The following ADAMTSL3 variants were observed in gnomAD, a reference collection of about 807,000 sequenced individuals.
The protein encoded by ADAMTSL3 is ADAMTS-like protein 3.
Under a neutral mutation model 201.7 loss-of-function variants are expected in ADAMTSL3, and 128 were observed. That is an observed-to-expected ratio of 0.63 (90% CI 0.55 to 0.73). The LOEUF (loss-of-function observed/expected upper bound fraction) is 0.73, where lower values mean the gene tolerates loss of function less well. ADAMTSL3 is among the 30% of genes least tolerant of loss of function. The probability of loss-of-function intolerance (pLI) is 0.00; values close to 1 mark genes in which losing one functional copy is unlikely to be tolerated. For synonymous variants in ADAMTSL3, 738 were observed against 748.4 expected (o/e 0.99, Z 0.23); for missense variants, 1,990 against 2,119.6 (o/e 0.94, Z 1.20).
At chr15:83,708,599 A>G (rs924353384) in intron 3 of ADAMTSL3, among the ~76,000 whole-genome samples, 1 of 152,246 alleles carries the variant, frequency 6.6e-6, no homozygotes, top group Admixed American at 6.5e-5. Flanking sequence ...TCTTGCTTCT[A>G]CCACTAATCA....
chr15:83,926,222 G>A (rs189839766), intron 17 of ADAMTSL3, among the ~76,000 whole-genome samples: 24 of 152,296 alleles, frequency 1.6e-4, no homozygotes, highest in Non-Finnish European at 2.9e-4. Context: ...AGAGGGAACA[G>A]TATGTGCAAA....
At chr15:83,749,382 G>A (rs1357078054) in intron 3 of ADAMTSL3, among the ~76,000 whole-genome samples, 1 of 152,126 alleles carries the variant, frequency 6.6e-6, no homozygotes, top group African/African-American at 2.4e-5. Context: ...TTGCAGCTAA[G>A]GCAACGAGAG....
At chr15:83,804,159 A>G (rs1404868289) in intron 4 of ADAMTSL3, among the ~76,000 whole-genome samples, 1 of 152,078 alleles carries the variant, frequency 6.6e-6, no homozygotes, top group African/African-American at 2.4e-5. Context: ...AAAAGGAAGC[A>G]TTACTTCAAG....
At chr15:83,945,032 G>A (rs1296021866) in intron 19 of ADAMTSL3, among the ~76,000 whole-genome samples, 1 of 152,146 alleles carries the variant, frequency 6.6e-6, no homozygotes, top group Non-Finnish European at 1.5e-5. Context: ...TGTCTTAACT[G>A]AAAACCTACA....
chr15:83,852,360 C>A (rs747100622), intron 7 of ADAMTSL3, among the ~76,000 whole-genome samples: 1 of 152,108 alleles, frequency 6.6e-6, no homozygotes, highest in Non-Finnish European at 1.5e-5. Context: ...GTGATCCACC[C>A]GCCTCAGCCT....
In ADAMTSL3 at chr15:83,823,919, CTT is replaced by C. The variant is rs1567169471; in HGVS notation, c.600+3873_600+3874del. ...TCTTCTTCTTCTTCTTCTTCTTCTTCTTCTTCTTCTTCTTCTTCTTCTTCTTC... is the reference window on the plus strand; with the variant it reads ...TCTTCTTCTTCTTCTTCTTCTTCTTCCTTCTTCTTCTTCTTCTTCTTCTTC... On this transcript the variant is annotated intron_variant, in intron 6 of 29. Coordinates refer to ENST00000286744, the MANE Select transcript of ADAMTSL3 (RefSeq NM_207517.3). Among the ~76,000 whole-genome samples, 58 of 104,548 alleles carry C rather than the reference CTT, an allele frequency of 5.5e-4. 1 individual carries two copies. The highest frequency in any genetic ancestry group is 2.2e-3 in the Admixed American group (22 of 9,788). 68.6% of individuals were successfully genotyped at this position (104,548 alleles called of 152,430 possible).
chr15:83,897,114 C>G (rs1033461727), intron 13 of ADAMTSL3, among the ~76,000 whole-genome samples: 1 of 151,992 alleles, frequency 6.6e-6, no homozygotes, highest in Middle Eastern at 3.4e-3. Context: ...GACACAGAGC[C>G]AAATCATAAC....
intron 4 of ADAMTSL3, among the ~76,000 whole-genome samples, chr15:83,798,822 AAAC>A (rs1567152077): frequency 2.0e-5 from 3 of 148,978 alleles, no homozygotes; most frequent in South Asian, 2.1e-4. Flanking sequence ...AAAAAAAAAA[AAAC>A]AAAAAAAAAG....
chr15:83,655,643 C>T (rs1415332737), intron 1 of ADAMTSL3, 86 bp from the exon 2 acceptor site: 5 of 914,242 alleles, frequency 5.5e-6, no homozygotes, highest in Admixed American at 2.3e-5. Context: ...GCTTCAGGGT[C>T]CCTCCATCTA....
At chr15:84,002,667 C>T (rs561069681) in intron 23 of ADAMTSL3, among the ~76,000 whole-genome samples, 1 of 152,100 alleles carries the variant, frequency 6.6e-6, no homozygotes, top group Non-Finnish European at 1.5e-5. Context: ...CCAGCCTTCC[C>T]CTTCTACCCT....
At chr15:83,798,884 G>A (rs901116250) in intron 4 of ADAMTSL3, among the ~76,000 whole-genome samples, 5 of 145,920 alleles carry the variant, frequency 3.4e-5, no homozygotes, top group Admixed American at 6.8e-5. Context: ...TAATTCAAAA[G>A]CATGGTAGCA....
At chr15:83,855,126 C>T (rs949058569) in intron 7 of ADAMTSL3, among the ~76,000 whole-genome samples, 1 of 152,184 alleles carries the variant, frequency 6.6e-6, no homozygotes, top group African/African-American at 2.4e-5. Flanking sequence ...CTGGCCTTTA[C>T]TTCCTGCTTC....
chr15:83,768,770 C>A (rs182196201), intron 3 of ADAMTSL3, among the ~76,000 whole-genome samples: 1 of 152,304 alleles, frequency 6.6e-6, no homozygotes, highest in East Asian at 1.9e-4. Flanking sequence ...GGAGTTATTT[C>A]TGAATGTCTG....
At chr15:83,856,084 C>G (rs1018824045) in intron 7 of ADAMTSL3, among the ~76,000 whole-genome samples, 1 of 124,466 alleles carries the variant, frequency 8.0e-6, no homozygotes. Flanking sequence ...TCTTTACTTA[C>G]CAGTTTTCAA....
rs1442753169 is a variant in ADAMTSL3, at chr15:83,890,242, A to G, written c.1206A>G (p.Pro402=). 3.7e-6 allele frequency: 6 copies of G among 1,613,590 alleles called. No individual in the cohort carries two copies. The highest frequency in any genetic ancestry group is 4.2e-6 in the Non-Finnish European group (5 of 1,179,740). The part of the protein sequence containing the change: ...KLKECSMDPC[P]SSDGFKEIMP... ...AGGAATGCAGCATGGATCCCTGCCCATCAAGGTTTGTGTCATTGTCCACAC... is the reference window on the plus strand; with the variant it reads ...AGGAATGCAGCATGGATCCCTGCCCGTCAAGGTTTGTGTCATTGTCCACAC... Residue 402 remains proline (P), a synonymous_variant, in exon 11 of 30, where the codon CCA becomes CCG. Coordinates refer to ENST00000286744, the MANE Select transcript of ADAMTSL3 (RefSeq NM_207517.3).
chr15:83,892,922 T>G, intron 13 of ADAMTSL3, 34 bp downstream of exon 13: 3 of 1,585,630 alleles, frequency 1.9e-6, no homozygotes, highest in Non-Finnish European at 2.6e-6. Context: ...TTTAATTAAT[T>G]CTCATATTTT....
intron 20 of ADAMTSL3, among the ~76,000 whole-genome samples, chr15:83,974,724 C>T (rs2067252758): frequency 6.6e-6 from 1 of 152,164 alleles, no homozygotes; most frequent in African/African-American, 2.4e-5. Context: ...AATCAGGCAT[C>T]TGTAGAAAAG....
At chr15:83,671,863 A>G (rs1031317961) in intron 2 of ADAMTSL3, among the ~76,000 whole-genome samples, 6 of 152,178 alleles carry the variant, frequency 3.9e-5, no homozygotes, top group African/African-American at 1.4e-4. Context: ...TCTCTCCTTA[A>G]GAGGAATAAT....
At chr15:83,764,427 G>A (rs2141716489) in intron 3 of ADAMTSL3, among the ~76,000 whole-genome samples, 1 of 152,274 alleles carries the variant, frequency 6.6e-6, no homozygotes, top group Non-Finnish European at 1.5e-5. Flanking sequence ...GACCTGCATG[G>A]ACAGCATCAA....
Sources: gnomAD v4.1 joint callset for allele counts (sites outside exome capture counted in the v4.1 genomes callset) on GRCh38, gnomAD v4.1.1 for gene constraint, MANE v1.5 for transcripts, NCBI Gene and HGNC (gene_info 2026-07-23, HGNC 2026-07-21) for gene names.